The following LARP4B variants were observed in gnomAD, a reference collection of about 807,000 sequenced individuals.
The protein encoded by LARP4B is la-related protein 4B.
A neutral mutation model predicts 89.8 loss-of-function variants in LARP4B; 12 were observed. That is an observed-to-expected ratio of 0.13 (90% CI 0.09 to 0.22). The LOEUF is 0.22. Among genes scored for constraint, LARP4B ranks in the 10% least tolerant of loss-of-function variants. LARP4B has a pLI of 1.00. For synonymous variants in LARP4B, 367 were observed against 363.3 expected (o/e 1.01, Z -0.12); for missense variants, 757 against 947.7 (o/e 0.80, Z 2.64).
chr10:927,938 C>T (rs1253551048), intron 1 of LARP4B, among the ~76,000 whole-genome samples: 2 of 152,098 alleles, frequency 1.3e-5, no homozygotes, highest in Admixed American at 6.6e-5. Context: ...TGGCCAGGTA[C>T]GCCGTGGCTC....
chr10:868,386 A>AAAT, intron 3 of LARP4B, among the ~76,000 whole-genome samples: 1 of 152,052 alleles, frequency 6.6e-6, no homozygotes. Flanking sequence ...CTTAAAAAAA[A>AAAT]AAAAAAAAAA....
At chr10:980,913 CAA>C in the LARP4B span, among the ~76,000 whole-genome samples, 1 of 152,222 alleles carries the variant, frequency 6.6e-6, no homozygotes, top group Non-Finnish European at 1.5e-5. Context: ...GCAGATTTTC[CAA>C]AGTTTTATAC....
chr10:976,238 G>A, the LARP4B span, among the ~76,000 whole-genome samples: 5,027 of 137,790 alleles, frequency 0.036, 541 homozygotes, highest in African/African-American at 0.13. Context: ...ATCATGCAAC[G>A]TGTGGACCCG....
chr10:978,329 G>A, the LARP4B span, among the ~76,000 whole-genome samples: 3 of 151,932 alleles, frequency 2.0e-5, no homozygotes, highest in Admixed American at 6.6e-5. Flanking sequence ...GTCAATTTTC[G>A]CATTCTATAT....
At chr10:970,055 C>T in the LARP4B span, among the ~76,000 whole-genome samples, 4 of 152,162 alleles carry the variant, frequency 2.6e-5, no homozygotes, top group Non-Finnish European at 5.9e-5. Flanking sequence ...CCAGGGCCGT[C>T]GGGCAGTGAC....
chr10:964,910 G>A, the LARP4B span, among the ~76,000 whole-genome samples: 7 of 152,148 alleles, frequency 4.6e-5, no homozygotes, highest in Non-Finnish European at 7.4e-5. Flanking sequence ...GTGGGGCCAG[G>A]CCCCACCAGG....
intron 3 of LARP4B, among the ~76,000 whole-genome samples, chr10:881,214 C>T (rs1835654250): frequency 6.6e-6 from 1 of 152,190 alleles, no homozygotes; most frequent in Non-Finnish European, 1.5e-5. Context: ...ATCGCTGTGG[C>T]CCACTGCCAG....
chr10:893,273 T>A (rs7083376), intron 1 of LARP4B, among the ~76,000 whole-genome samples: 2 of 152,074 alleles, frequency 1.3e-5, no homozygotes, highest in African/African-American at 4.8e-5. Context: ...TAAATGTTGG[T>A]ATTATTATTT....
intron 1 of LARP4B, among the ~76,000 whole-genome samples, chr10:914,384 AAAGT>A (rs1332361404): frequency 1.3e-5 from 2 of 152,152 alleles, no homozygotes; most frequent in African/African-American, 2.4e-5. Context: ...GGGGGAAAGG[AAAGT>A]AAGTTTTTCT....
At chr10:946,778 A>C in the LARP4B span, among the ~76,000 whole-genome samples, 1 of 151,968 alleles carries the variant, frequency 6.6e-6, no homozygotes, top group African/African-American at 2.4e-5. Flanking sequence ...CTTCCTTGCC[A>C]CCCTCCCTCT....
At chr10:916,349 A>G (rs1193799709) in intron 1 of LARP4B, among the ~76,000 whole-genome samples, 5 of 152,230 alleles carry the variant, frequency 3.3e-5, no homozygotes, top group Non-Finnish European at 7.3e-5. Flanking sequence ...GGCTACAGTC[A>G]AAAATTTGCT....
At position 839,454 on chromosome 10, in the gene LARP4B, T is replaced by C. The variant is rs565962334; in HGVS notation, c.647-2948A>G. 1.2e-4 allele frequency among the ~76,000 whole-genome samples: 19 copies of C among 152,334 alleles called. No individual in the cohort carries two copies. The South Asian group carries it at 3.9e-3, about 32-fold the overall frequency. On this transcript the variant is annotated intron_variant, in intron 7 of 17. Transcript: ENST00000316157. ...GTCTACTTCTAAAGAAAGGACTCAA[T>C]TGTTAATAAAACTAATAAAGTATGT...
chr10:827,561 G>C (rs1832696631), intron 11 of LARP4B, among the ~76,000 whole-genome samples: 1 of 152,168 alleles, frequency 6.6e-6, no homozygotes, highest in African/African-American at 2.4e-5. Flanking sequence ...ACAAGTAAAA[G>C]GCTGCGATGG....
chr10:976,253 A>C, the LARP4B span, among the ~76,000 whole-genome samples: 1 of 139,696 alleles, frequency 7.2e-6, no homozygotes, highest in South Asian at 2.4e-4. Context: ...GACCCGGCCT[A>C]GTAGAATGTA....
chr10:891,254 G>C (rs1836010926), intron 1 of LARP4B, among the ~76,000 whole-genome samples: 1 of 152,108 alleles, frequency 6.6e-6, no homozygotes, highest in South Asian at 2.1e-4. Context: ...CCACACAGTG[G>C]AAAGTTTCGG....
chr10:936,676 C>T (rs543677407), upstream of LARP4B, among the ~76,000 whole-genome samples: 213 of 152,232 alleles, frequency 1.4e-3, no homozygotes, highest in Non-Finnish European at 2.7e-3. Context: ...TGAGCGAGAT[C>T]GTGCCATTGC....
intron 3 of LARP4B, chr10:873,230 G>A: frequency 1.0e-6 from 1 of 985,368 alleles, no homozygotes; most frequent in Non-Finnish European, 1.2e-6. Context: ...TAATTTCTGA[G>A]GAGAAGCCAA....
chr10:894,407 T>C (rs1836128580), intron 1 of LARP4B, among the ~76,000 whole-genome samples: 1 of 152,192 alleles, frequency 6.6e-6, no homozygotes, highest in African/African-American at 2.4e-5. Context: ...AAATAAAAGA[T>C]ATTTAAAAGG....
the LARP4B span, among the ~76,000 whole-genome samples, chr10:945,466 C>T: frequency 2.6e-5 from 4 of 151,428 alleles, no homozygotes; most frequent in Non-Finnish European, 4.4e-5. Flanking sequence ...GCGGGTGGAT[C>T]ACAAGGTCAG....
Sources: allele counts gnomAD v4.1 joint callset (sites outside exome capture counted in the v4.1 genomes callset), GRCh38; gene constraint gnomAD v4.1.1; transcripts MANE v1.5; gene names NCBI Gene and HGNC (gene_info 2026-07-23, HGNC 2026-07-21).